Variants in CTPS2 observed in about 807,000 individuals in gnomAD.
CTPS2 encodes CTP synthase II.
In CTPS2, 19 loss-of-function variants were observed where a neutral mutation model predicts 46.8. The ratio of observed to expected loss-of-function variants is 0.41; its 90% confidence interval spans 0.28 to 0.60. The LOEUF (loss-of-function observed/expected upper bound fraction) is 0.60, where lower values mean the gene tolerates loss of function less well. Among genes scored for constraint, CTPS2 ranks in the 20% least tolerant of loss-of-function variants. The probability of loss-of-function intolerance (pLI) is 0.35; values close to 1 mark genes in which losing one functional copy is unlikely to be tolerated. For missense variants in CTPS2, 286 were observed against 447.6 expected, an observed-to-expected ratio of 0.64 and a Z score of 3.26; for synonymous variants, 151 against 165.2, an observed-to-expected ratio of 0.91 and a Z score of 0.66.
intron 7 of CTPS2, among the ~76,000 whole-genome samples, chrX:16,691,057 C>T (rs1169590576): frequency 8.9e-6 from 1 of 112,542 alleles, no homozygotes; most frequent in Non-Finnish European, 1.9e-5. Flanking sequence ...TGGCTCACGC[C>T]TGTAATCCCA....
intron 14 of CTPS2, chrX:16,626,951 C>T (rs1395638958): frequency 8.8e-6 from 1 of 113,765 alleles, no homozygotes; most frequent in Non-Finnish European, 1.9e-5. Flanking sequence ...CCTTATCTTT[C>T]CCCCGGTGCC....
At chrX:16,650,879 T>C (rs1932587304) in intron 13 of CTPS2, 1 of 574,677 alleles carries the variant, frequency 1.7e-6, no homozygotes, top group Admixed American at 3.2e-5. Flanking sequence ...TCTCTTTTCC[T>C]TATTCTTCCC....
rs149267850 is a variant in CTPS2 at position 16,654,813 on chromosome X, G to A, written c.1296+12701C>T. The A allele has an allele frequency of 4.9e-3, 648 of 133,363 alleles. 9 individuals are homozygous for A. Among genetic ancestry groups the A allele is most frequent in the African/African-American group, 0.019 (590 of 31,284 alleles). 11.0% of individuals were successfully genotyped at this position (133,363 alleles called of 1,213,427 possible). A position where few individuals can be genotyped will look rare whatever the true frequency, so the allele number is the denominator to read the frequency against. ...AGGCAGGAAGAACACTTGAGCCCCC[G>A]AGGTCAAGGTTGCAGTGAGACATGA... On this transcript the variant is annotated intron_variant, in intron 13 of 18. Coordinates refer to ENST00000359276, the MANE Select transcript of CTPS2 (RefSeq NM_175859.3).
intron 16 of CTPS2, among the ~76,000 whole-genome samples, chrX:16,610,085 C>T (rs1334088030): frequency 9.0e-6 from 1 of 111,479 alleles, no homozygotes; most frequent in African/African-American, 3.3e-5. Context: ...CTTCTCCTTT[C>T]CCAGGGTAAG....
At chrX:16,617,793 C>T (rs1930611147) in intron 15 of CTPS2, among the ~76,000 whole-genome samples, 1 of 111,848 alleles carries the variant, frequency 8.9e-6, no homozygotes, top group African/African-American at 3.2e-5. Flanking sequence ...CTTTCCCAAA[C>T]CTAAGGACTC....
chrX:16,610,803 A>G (rs192902557), intron 16 of CTPS2, among the ~76,000 whole-genome samples: 3 of 112,680 alleles, frequency 2.7e-5, no homozygotes, highest in East Asian at 5.6e-4. Flanking sequence ...ATGCCTATCA[A>G]TGGTGGAATG....
chrX:16,599,476 C>CTT (rs56794396), intron 17 of CTPS2, among the ~76,000 whole-genome samples: 10 of 86,192 alleles, frequency 1.2e-4, no homozygotes, highest in South Asian at 4.9e-4. Flanking sequence ...TCTTTTTTTT[C>CTT]TTTTTTTTTT....
rs1469082293 is a variant in CTPS2 at position 16,657,700 on chromosome X, G to C, written c.1296+9814C>G. Reference sequence around the variant, plus strand: ...TAAGTGAAAATGTTCAATAGTAAGAGAACACTTTGTAAATCTCTGGCTGCT... The same window carrying C: ...TAAGTGAAAATGTTCAATAGTAAGACAACACTTTGTAAATCTCTGGCTGCT... On this transcript the variant is annotated intron_variant, in intron 13 of 18. Transcript: ENST00000359276. Among the ~76,000 whole-genome samples, 4 of 111,844 alleles carry C rather than the reference G, an allele frequency of 3.6e-5. No individual in the cohort carries two copies. In the Admixed American group the frequency reaches 3.8e-4, roughly 11 times the overall value.
chrX:16,698,231 C>A lies in CTPS2; in HGVS notation c.438+5G>T. 4.3e-6 allele frequency: 5 copies of A among 1,168,552 alleles called. No individual in the cohort carries two copies. Among genetic ancestry groups the A allele is most frequent in the Non-Finnish European group, 5.8e-6 (5 of 856,403 alleles). On this transcript the variant is annotated splice_donor_5th_base_variant and intron_variant, in intron 4 of 18. Coordinates refer to ENST00000359276, the MANE Select transcript of CTPS2 (RefSeq NM_175859.3). Reference sequence around the variant, plus strand: ...ATAATTTTATAAAGAAAGTTCTATGCTTGCCTCAATAACGCATATTTGGGG... The same window carrying A: ...ATAATTTTATAAAGAAAGTTCTATGATTGCCTCAATAACGCATATTTGGGG...
chrX:16,704,818 A>G (rs1162175499), intron 1 of CTPS2, among the ~76,000 whole-genome samples: 2 of 110,708 alleles, frequency 1.8e-5, no homozygotes, highest in African/African-American at 6.6e-5. Context: ...GTGGTGGTGC[A>G]TGCCTGTAAT....
At chrX:16,632,944 T>C (rs1931555583) in intron 14 of CTPS2, among the ~76,000 whole-genome samples, 1 of 111,537 alleles carries the variant, frequency 9.0e-6, no homozygotes, top group African/African-American at 3.3e-5. Context: ...CTATTCTCTG[T>C]CATAAAATAG....
intron 14 of CTPS2, 40 bp downstream of exon 14, chrX:16,639,107 C>T: frequency 9.3e-7 from 1 of 1,077,574 alleles, no homozygotes. Context: ...ACATGAGCCA[C>T]ATCCAACATC....
chrX:16,646,069 T>C (rs1419599342), intron 13 of CTPS2, among the ~76,000 whole-genome samples: 3 of 113,080 alleles, frequency 2.7e-5, no homozygotes, highest in African/African-American at 6.4e-5. Flanking sequence ...CAAAGGCCTA[T>C]ATCATTTTCA....
At chrX:16,691,417 G>A (rs1160149119) in intron 7 of CTPS2, 123 bp downstream of exon 7, 1 of 551,608 alleles carries the variant, frequency 1.8e-6, no homozygotes, top group Admixed American at 2.7e-5. Flanking sequence ...ATCATGGTTG[G>A]ATCAGGGTTC....
At chrX:16,639,830 A>C (rs183490629) in intron 13 of CTPS2, among the ~76,000 whole-genome samples, 287 of 107,637 alleles carry the variant, frequency 2.7e-3, no homozygotes, top group Non-Finnish European at 4.4e-3. Context: ...AGAAAGAAAG[A>C]AGAAAAGAAA....
At chrX:16,682,571 T>C (rs976306166) in intron 9 of CTPS2, among the ~76,000 whole-genome samples, 1 of 112,198 alleles carries the variant, frequency 8.9e-6, no homozygotes, top group Non-Finnish European at 1.9e-5. Flanking sequence ...CTTGACTGGC[T>C]TCTGGAAACT....
At chrX:16,595,234 T>C (rs1465528357) in intron 17 of CTPS2, among the ~76,000 whole-genome samples, 11 of 111,967 alleles carry the variant, frequency 9.8e-5, no homozygotes, top group African/African-American at 3.2e-4. Flanking sequence ...GAGTCTTGCA[T>C]GTTAAATTTT....
At chrX:16,694,212 C>T (rs867705874) in intron 4 of CTPS2, among the ~76,000 whole-genome samples, 1 of 111,710 alleles carries the variant, frequency 9.0e-6, no homozygotes, top group African/African-American at 3.3e-5. Flanking sequence ...CTTAATGCAG[C>T]CAACAAAAGG....
chrX:16,652,732 A>G (rs1432235509), intron 13 of CTPS2, among the ~76,000 whole-genome samples: 2 of 110,975 alleles, frequency 1.8e-5, no homozygotes, highest in Non-Finnish European at 3.8e-5. Context: ...CGAGGTAGGA[A>G]GACTAATGGT....
Sources: allele counts gnomAD v4.1 joint callset (sites outside exome capture counted in the v4.1 genomes callset), GRCh38; gene constraint gnomAD v4.1.1; transcripts MANE v1.5; gene names NCBI Gene and HGNC (gene_info 2026-07-23, HGNC 2026-07-21).